The following MSL2 variants were observed in gnomAD, a reference collection of about 807,000 sequenced individuals.
MSL2 encodes the protein E3 ubiquitin-protein ligase MSL2.
In MSL2, 2 loss-of-function variants were observed where a neutral mutation model predicts 35.8. The ratio of observed to expected loss-of-function variants is 0.06; its 90% CI spans 0.02 to 0.18. The LOEUF is 0.18. Ranked by LOEUF, MSL2 falls within the 10% of genes least tolerant of loss-of-function variation. The pLI, the probability that MSL2 is intolerant of heterozygous loss-of-function variation, is 1.00. For missense variants in MSL2, 523 were observed against 706.7 expected, an observed-to-expected ratio of 0.74 and a Z score of 2.95; for synonymous variants, 296 against 255.7, an observed-to-expected ratio of 1.16 and a Z score of -1.50.
chr3:136,159,621 C>T (rs1169356954), intron 1 of MSL2, among the ~76,000 whole-genome samples: 2 of 151,468 alleles, frequency 1.3e-5, no homozygotes, highest in Non-Finnish European at 2.9e-5. Context: ...CCGCCCGCCT[C>T]GGCCTCCCAA....
intron 1 of MSL2, among the ~76,000 whole-genome samples, chr3:136,170,873 A>T (rs914498806): frequency 6.6e-6 from 1 of 152,090 alleles, no homozygotes; most frequent in Admixed American, 6.6e-5. Flanking sequence ...TGGCAGGGGG[A>T]TACCTTTTTA....
intron 1 of MSL2, among the ~76,000 whole-genome samples, chr3:136,183,181 C>G (rs1054963659): frequency 1.3e-5 from 2 of 151,942 alleles, no homozygotes; most frequent in Non-Finnish European, 2.9e-5. Context: ...AAAATATAAC[C>G]CATGATGAGA....
intron 1 of MSL2, among the ~76,000 whole-genome samples, chr3:136,163,962 C>T (rs1576360982): frequency 6.6e-6 from 1 of 152,250 alleles, no homozygotes; most frequent in East Asian, 1.9e-4. Context: ...AGCCTCTTTC[C>T]TTTGTAAATT....
intron 1 of MSL2, among the ~76,000 whole-genome samples, chr3:136,191,004 T>TA (rs1940672063): frequency 6.6e-6 from 1 of 152,136 alleles, no homozygotes; most frequent in Admixed American, 6.6e-5. Flanking sequence ...CAAAGAACAG[T>TA]AATAACAAAA....
intron 1 of MSL2, among the ~76,000 whole-genome samples, chr3:136,192,939 T>TA (rs1184359382): frequency 6.6e-6 from 1 of 152,170 alleles, no homozygotes; most frequent in Non-Finnish European, 1.5e-5. Context: ...ATCATAGACT[T>TA]ACGTCCAAAG....
Position 136,151,690 on chromosome 3 carries a change from G to A in MSL2, c.1191C>T (p.Ile397=). ...TAGTAGATAAAAGTACAGTTTTGCT[G>A]ATTTTAGGTGTTGTGCCTCCATTGG... The part of the protein sequence containing the change: ...TVPNGGTTPK[I]SKTVLLSTKS... The change falls in exon 2 of 2, where the codon ATC becomes ATT. Residue 397 remains isoleucine (I), a synonymous_variant. Transcript: ENST00000309993. This position sits in a 1 kb window ranked among gnomAD's most constrained non-coding sequence, Gnocchi z 5.2. 4 of 1,614,140 alleles carry A rather than the reference G, an allele frequency of 2.5e-6. No homozygotes were observed. Among genetic ancestry groups the A allele is most frequent in the Non-Finnish European group, 3.4e-6 (4 of 1,180,026 alleles).
At chr3:136,179,252 T>C (rs1468949155) in intron 1 of MSL2, among the ~76,000 whole-genome samples, 3 of 152,260 alleles carry the variant, frequency 2.0e-5, no homozygotes, top group African/African-American at 4.8e-5. Context: ...AGCAGCACCA[T>C]CATGGTTCAA....
At position 136,195,102 on chromosome 3, in the gene MSL2, C is replaced by T. The variant is rs539025229; in HGVS notation, c.12G>A (p.Val4=). The change falls in exon 1 of 2, where the codon GTG becomes GTA. Residue 4 remains valine, a synonymous_variant. Coordinates refer to ENST00000309993, the MANE Select transcript of MSL2 (RefSeq NM_018133.4). MNP[V]NATALYISAS... is the part of the protein sequence containing the mutation. The stretch of plus-strand genomic sequence containing the variant: ...CGGAAATGTAGAGAGCAGTAGCATT[C>T]ACGGGGTTCATTGCAGACACTTCGA... The T allele has an allele frequency of 1.2e-6, 2 of 1,610,704 alleles. No homozygotes were observed. Among genetic ancestry groups the T allele is most frequent in the South Asian group, 2.2e-5 (2 of 90,692 alleles).
In MSL2 at chr3:136,149,653, C is replaced by T. The variant is rs1424078251; in HGVS notation, c.*1494G>A. ...AAACAACTCTACCTGACCACATTCA[C>T]AGAAAATGACACCAGGATACACTAC... On this transcript the variant is annotated 3_prime_UTR_variant, in exon 2 of 2. Coordinates refer to ENST00000309993, the MANE Select transcript of MSL2 (RefSeq NM_018133.4). The T allele has an allele frequency of 1.2e-4, 18 of 147,768 alleles. No individual in the cohort carries two copies. The highest frequency in any genetic ancestry group is 4.5e-4 in the African/African-American group (18 of 40,146). 9.2% of individuals were successfully genotyped at this position (147,768 alleles called of 1,614,324 possible).
chr3:136,149,492 T>G lies in MSL2; in HGVS notation c.*1655A>C, dbSNP rs1939278523. ...TTGTTATCAAAAATAGTTCAACTCT[T>G]CTTGCAAAACAAAAACAAAATAGTA... On this transcript the variant is annotated 3_prime_UTR_variant, in exon 2 of 2. Coordinates refer to ENST00000309993, the MANE Select transcript of MSL2 (RefSeq NM_018133.4). 6.6e-6 allele frequency: 1 copy of G among 152,074 alleles called. No individual in the cohort carries two copies. Among genetic ancestry groups the G allele is most frequent in the African/African-American group, 2.4e-5 (1 of 41,314 alleles). 9.4% of individuals were successfully genotyped at this position (152,074 alleles called of 1,614,324 possible). A position where few individuals can be genotyped will look rare whatever the true frequency, so the allele number is the denominator to read the frequency against.
At chr3:136,194,177 G>T (rs925571338) in intron 1 of MSL2, among the ~76,000 whole-genome samples, 1 of 152,050 alleles carries the variant, frequency 6.6e-6, no homozygotes, top group African/African-American at 2.4e-5. Context: ...CAGGTTTTTC[G>T]AAAAGCAAGT....
chr3:136,180,717 CA>C (rs1940314924), intron 1 of MSL2, among the ~76,000 whole-genome samples: 1 of 132,972 alleles, frequency 7.5e-6, no homozygotes, highest in South Asian at 2.6e-4. Context: ...AAAGAAAAAA[CA>C]AAAGAAAAGA....
intron 1 of MSL2, among the ~76,000 whole-genome samples, chr3:136,161,698 G>A (rs1939711146): frequency 2.0e-5 from 3 of 152,168 alleles, no homozygotes; most frequent in South Asian, 4.1e-4. Context: ...TGAGAGTGGA[G>A]CAGTCATTAA....
rs2108057618 is a variant in MSL2 at position 136,151,932 on chromosome 3, T to C, written c.949A>G (p.Met317Val). 8 of 1,614,186 alleles carry C rather than the reference T, an allele frequency of 5.0e-6. No homozygotes were observed. In the East Asian group the frequency reaches 6.7e-5, roughly 13 times the overall value. Residue 317 changes from methionine (M) to valine (V), a missense_variant, in exon 2 of 2, where the codon ATG becomes GTG. Met to Val is a conservative substitution (Grantham distance 21). Around this residue, in one of 5 missense-constraint regions of MSL2, gnomAD observed 361 missense variants for 414.6 expected, o/e 0.87. Transcript: ENST00000309993. This position sits in a 1 kb window ranked among gnomAD's most constrained non-coding sequence, Gnocchi z 5.2. ...SSQSLSHNVF[M>V]STSPALHGLS... Reference sequence around the variant, plus strand: ...CCATGAAGTGCAGGACTGGTGGACATAAAAACATTATGGCTAAGAGACTGG... The same window carrying C: ...CCATGAAGTGCAGGACTGGTGGACACAAAAACATTATGGCTAAGAGACTGG...
chr3:136,193,460 A>G lies in MSL2; in HGVS notation c.142+1512T>C, dbSNP rs1037259120. On this transcript the variant is annotated intron_variant, in intron 1 of 1. Transcript: ENST00000309993. Reference sequence around the variant, plus strand: ...AGAGTGGGCCCTTCCTCTTCCCCCTACCTCACCATAGTAGCACCCTACGGC... The same window carrying G: ...AGAGTGGGCCCTTCCTCTTCCCCCTGCCTCACCATAGTAGCACCCTACGGC... Among the ~76,000 whole-genome samples, 5 of 151,886 alleles carry G rather than the reference A, an allele frequency of 3.3e-5. No individual in the cohort carries two copies. The East Asian group carries it at 5.8e-4, about 18-fold the overall frequency.
intron 1 of MSL2, among the ~76,000 whole-genome samples, chr3:136,192,286 G>A (rs1052285594): frequency 1.3e-5 from 2 of 152,144 alleles, no homozygotes; most frequent in African/African-American, 2.4e-5. Flanking sequence ...AATGTCTGGA[G>A]ATCGGCCTCA....
intron 1 of MSL2, among the ~76,000 whole-genome samples, chr3:136,169,979 A>T (rs1487892147): frequency 6.6e-6 from 1 of 151,654 alleles, no homozygotes; most frequent in East Asian, 2.0e-4. Context: ...TGAGCCCAGG[A>T]GGTGAAAGAT....
chr3:136,167,751 TA>T (rs1171789490), intron 1 of MSL2, among the ~76,000 whole-genome samples: 1 of 152,110 alleles, frequency 6.6e-6, no homozygotes, highest in African/African-American at 2.4e-5. Flanking sequence ...ATGGTCAAGG[TA>T]TCCACAAGAA....
intron 1 of MSL2, among the ~76,000 whole-genome samples, chr3:136,168,305 G>T (rs1465147706): frequency 6.6e-6 from 1 of 152,014 alleles, no homozygotes; most frequent in Non-Finnish European, 1.5e-5. Context: ...AACAACAGTC[G>T]TGAGACTTTA....
Sources: gnomAD v4.1 joint callset for allele counts (sites outside exome capture counted in the v4.1 genomes callset) on GRCh38, gnomAD v4.1.1 for gene constraint, gnomAD v4.1.1 regional missense constraint, Gnocchi (gnomAD v3.1) non-coding constraint, MANE v1.5 for transcripts, NCBI Gene and HGNC (gene_info 2026-07-23, HGNC 2026-07-21) for gene names.